ATF7: variants seen among roughly 807,000 people sequenced by gnomAD.
ATF7 encodes the protein activating transcription factor 7, also known as cyclic AMP-dependent transcription factor ATF-7.
ATF7 carries 10 observed loss-of-function variants against 50.4 expected under a neutral mutation model. The observed-to-expected ratio is 0.20, with a 90% CI of 0.12 to 0.34. ATF7 has a LOEUF of 0.34. ATF7 is among the 10% of genes least tolerant of loss of function. The probability of loss-of-function intolerance (pLI) is 1.00; values close to 1 mark genes in which losing one functional copy is unlikely to be tolerated. For synonymous variants in ATF7, 201 were observed against 226.4 expected, an observed-to-expected ratio of 0.89 and a Z score of 1.01; for missense variants, 465 against 613.9, an observed-to-expected ratio of 0.76 and a Z score of 2.56.
At chr12:53,556,014 C>T (rs1940730056) in intron 2 of ATF7, among the ~76,000 whole-genome samples, 1 of 149,766 alleles carries the variant, frequency 6.7e-6, no homozygotes, top group Non-Finnish European at 1.5e-5. Flanking sequence ...TGGGATTTCA[C>T]CATGTTGGCC....
rs1271606679 is a variant in ATF7 at position 53,517,028 on chromosome 12, C to G, written c.*109G>C. On this transcript the variant is annotated 3_prime_UTR_variant, in exon 12 of 12. Transcript: ENST00000420353. ...TCCATTACTCACAACACACAATTCC[C>G]CCCACCCATATTGCCATGTCCAAGG... The G allele has an allele frequency of 8.2e-7, 1 of 1,212,464 alleles. No individual in the cohort carries two copies. The highest frequency in any genetic ancestry group is 2.4e-5 in the East Asian group (1 of 42,138). 75.1% of individuals were successfully genotyped at this position (1,212,464 alleles called of 1,614,324 possible).
intron 2 of ATF7, among the ~76,000 whole-genome samples, chr12:53,573,104 G>A (rs1196112030): frequency 2.7e-5 from 4 of 150,464 alleles, no homozygotes; most frequent in African/African-American, 9.8e-5. Flanking sequence ...AAAAAAAGAT[G>A]AGTACAGTAC....
intron 9 of ATF7, among the ~76,000 whole-genome samples, chr12:53,529,710 T>TATACACAC (rs1555216854): frequency 2.3e-5 from 3 of 132,250 alleles, no homozygotes; most frequent in African/African-American, 8.9e-5. Context: ...TATATACACA[T>TATACACAC]ACACACACAC....
intron 9 of ATF7, among the ~76,000 whole-genome samples, chr12:53,525,455 T>A (rs1265283642): frequency 1.3e-5 from 2 of 152,172 alleles, no homozygotes; most frequent in Admixed American, 6.6e-5. Context: ...ATAAAAAAGT[T>A]TGAGAATCAC....
At chr12:53,532,675 G>T in intron 7 of ATF7, 52 bp from the exon 8 acceptor site, 2 of 1,319,728 alleles carry the variant, frequency 1.5e-6, no homozygotes, top group Non-Finnish European at 2.1e-6. Flanking sequence ...TAATACCATC[G>T]GTGGGGCAAC....
At chr12:53,555,943 A>G (rs1940725910) in intron 2 of ATF7, among the ~76,000 whole-genome samples, 1 of 151,810 alleles carries the variant, frequency 6.6e-6, no homozygotes, top group African/African-American at 2.4e-5. Flanking sequence ...AGCCTCCTGC[A>G]TAGCTGGGAT....
chr12:53,606,794 A>G (rs1448641718), intron 1 of ATF7, among the ~76,000 whole-genome samples: 2 of 136,158 alleles, frequency 1.5e-5, no homozygotes, highest in African/African-American at 5.6e-5. Context: ...ATTCCCACCT[A>G]TAAGTGAGAA....
At chr12:53,544,498 G>A (rs1939764967) in intron 3 of ATF7, among the ~76,000 whole-genome samples, 1 of 152,118 alleles carries the variant, frequency 6.6e-6, no homozygotes, top group Non-Finnish European at 1.5e-5. Context: ...TGTAATCCCA[G>A]CACGTTGGGA....
intron 1 of ATF7, among the ~76,000 whole-genome samples, chr12:53,603,416 GA>G (rs917357302): frequency 6.6e-6 from 1 of 151,980 alleles, no homozygotes; most frequent in Admixed American, 6.6e-5. Context: ...AATTTGGGGG[GA>G]AAAAGCATTA....
At chr12:53,568,237 C>T (rs1941555951) in intron 2 of ATF7, among the ~76,000 whole-genome samples, 3 of 152,160 alleles carry the variant, frequency 2.0e-5, no homozygotes, top group Admixed American at 2.0e-4. Flanking sequence ...CTGCCCTGAT[C>T]TTTAAGGCCT....
intron 4 of ATF7, among the ~76,000 whole-genome samples, chr12:53,541,188 A>C (rs1013195572): frequency 6.6e-6 from 1 of 152,180 alleles, no homozygotes; most frequent in Non-Finnish European, 1.5e-5. Context: ...TTTACCTGCT[A>C]TGTATGCCCT....
chr12:53,559,386 T>A (rs2137549530), intron 2 of ATF7, among the ~76,000 whole-genome samples: 1 of 149,076 alleles, frequency 6.7e-6, no homozygotes. Context: ...AGGTATAAAA[T>A]ACAGAAAATG....
intron 11 of ATF7, among the ~76,000 whole-genome samples, chr12:53,520,733 T>C (rs1484373652): frequency 6.6e-6 from 1 of 152,332 alleles, no homozygotes; most frequent in African/African-American, 2.4e-5. Context: ...CCCTACACTT[T>C]ACCCTATCTC....
intron 2 of ATF7, among the ~76,000 whole-genome samples, chr12:53,576,792 T>C (rs1942092031): frequency 6.6e-6 from 1 of 152,198 alleles, no homozygotes; most frequent in Non-Finnish European, 1.5e-5. Flanking sequence ...CGGTGGCTCA[T>C]GACTGTAACC....
chr12:53,595,154 A>C (rs1943102328), intron 2 of ATF7, among the ~76,000 whole-genome samples: 1 of 152,238 alleles, frequency 6.6e-6, no homozygotes, highest in African/African-American at 2.4e-5. Context: ...TTATTTAATA[A>C]AAATTAGAAT....
At chr12:53,606,363 C>T (rs958336362) in intron 1 of ATF7, among the ~76,000 whole-genome samples, 9 of 152,112 alleles carry the variant, frequency 5.9e-5, no homozygotes, top group Non-Finnish European at 1.3e-4. Context: ...ATTCTCCTAC[C>T]TCAGCCTCCC....
At chr12:53,526,337 C>T (rs966898873) in intron 9 of ATF7, among the ~76,000 whole-genome samples, 1 of 151,818 alleles carries the variant, frequency 6.6e-6, no homozygotes, top group Non-Finnish European at 1.5e-5. Context: ...TCCTCCTCCT[C>T]CTCAATGCGA....
At chr12:53,569,670 AT>A (rs1217746006) in intron 2 of ATF7, among the ~76,000 whole-genome samples, 3 of 148,468 alleles carry the variant, frequency 2.0e-5, no homozygotes, top group East Asian at 2.0e-4. Flanking sequence ...AGATGTTCAA[AT>A]TTTTTTTTAA....
intron 11 of ATF7, chr12:53,522,564 C>CA (rs559438349): frequency 3.5e-4 from 43 of 122,766 alleles, no homozygotes; most frequent in South Asian, 8.0e-4. Context: ...GTCTCAAAAA[C>CA]AAAAAAAAAA....
Sources: gnomAD v4.1 joint callset for allele counts (sites outside exome capture counted in the v4.1 genomes callset) on GRCh38, gnomAD v4.1.1 for gene constraint, MANE v1.5 for transcripts, NCBI Gene and HGNC (gene_info 2026-07-23, HGNC 2026-07-21) for gene names.